CADPS2: variants seen among roughly 807,000 people sequenced by gnomAD.
The protein encoded by CADPS2 is calcium dependent secretion activator 2.
In CADPS2, 93 loss-of-function variants were observed where a neutral mutation model predicts 172.5. The observed-to-expected ratio is 0.54, with a 90% confidence interval of 0.46 to 0.64. CADPS2 has a LOEUF of 0.64. Ranked by LOEUF, CADPS2 falls within the 30% of genes least tolerant of loss-of-function variation. The pLI, the probability that CADPS2 is intolerant of heterozygous loss-of-function variation, is 0.00. For synonymous variants in CADPS2, 546 were observed against 555.2 expected, an observed-to-expected ratio of 0.98 and a Z score of 0.23; for missense variants, 1,420 against 1,565.9, an observed-to-expected ratio of 0.91 and a Z score of 1.57.
intron 5 of CADPS2, among the ~76,000 whole-genome samples, chr7:122,621,078 T>A (rs1271761080): frequency 6.6e-6 from 1 of 151,996 alleles, no homozygotes; most frequent in Non-Finnish European, 1.5e-5. Flanking sequence ...GATAATTTTT[T>A]TTTTTTAGAA....
intron 14 of CADPS2, among the ~76,000 whole-genome samples, chr7:122,469,823 C>CTGTGTGTG (rs71726905): frequency 6.7e-6 from 1 of 148,536 alleles, no homozygotes; most frequent in African/African-American, 2.5e-5. Context: ...AGGTGTGTGT[C>CTGTGTGTG]TGTGTGTGTG....
intron 1 of CADPS2, among the ~76,000 whole-genome samples, chr7:122,781,058 A>T (rs1408248651): frequency 6.6e-6 from 1 of 152,120 alleles, no homozygotes; most frequent in Non-Finnish European, 1.5e-5. Flanking sequence ...TTCTTACCAC[A>T]CTCATGATTA....
At chr7:122,655,614 ATT>A (rs1031841655) in intron 3 of CADPS2, among the ~76,000 whole-genome samples, 2 of 151,800 alleles carry the variant, frequency 1.3e-5, no homozygotes, top group Non-Finnish European at 2.9e-5. Context: ...ATAAAAAAAA[ATT>A]GTGTGACCTG....
At chr7:122,422,877 T>G (rs1406226371) in intron 17 of CADPS2, among the ~76,000 whole-genome samples, 2 of 151,822 alleles carry the variant, frequency 1.3e-5, no homozygotes, top group Non-Finnish European at 2.9e-5. Flanking sequence ...AAGAATTGCT[T>G]GAACCTGGGA....
At chr7:122,797,761 G>A (rs904287863) in intron 1 of CADPS2, among the ~76,000 whole-genome samples, 4 of 151,902 alleles carry the variant, frequency 2.6e-5, no homozygotes, top group African/African-American at 9.7e-5. Flanking sequence ...ATAACTAACA[G>A]GTACTAGGAA....
At chr7:122,545,162 G>A (rs539507741) in intron 8 of CADPS2, among the ~76,000 whole-genome samples, 1 of 152,164 alleles carries the variant, frequency 6.6e-6, no homozygotes, top group South Asian at 2.1e-4. Flanking sequence ...CAGAGGGAGG[G>A]CCAGCATCTC....
At chr7:122,521,071 T>C (rs1425572980) in intron 8 of CADPS2, among the ~76,000 whole-genome samples, 5 of 151,768 alleles carry the variant, frequency 3.3e-5, no homozygotes, top group African/African-American at 7.3e-5. Flanking sequence ...CAAGGAACAA[T>C]ACAGAAAGAA....
intron 1 of CADPS2, among the ~76,000 whole-genome samples, chr7:122,796,700 T>C (rs1006450271): frequency 6.6e-6 from 1 of 151,182 alleles, no homozygotes; most frequent in African/African-American, 2.4e-5. Flanking sequence ...TTATACCATA[T>C]ACAAAAATTA....
chr7:122,830,427 A>T (rs972599667), intron 1 of CADPS2, among the ~76,000 whole-genome samples: 4 of 152,174 alleles, frequency 2.6e-5, no homozygotes, highest in South Asian at 2.1e-4. Flanking sequence ...TGCAAATCTC[A>T]CTGATCTCAA....
At chr7:122,722,387 C>A (rs374980807) in intron 2 of CADPS2, among the ~76,000 whole-genome samples, 382 of 150,218 alleles carry the variant, frequency 2.5e-3, no homozygotes, top group African/African-American at 8.0e-3. Context: ...AAGCATTCTT[C>A]TACACCAATA....
intron 24 of CADPS2, chr7:122,386,222 A>G: frequency 9.4e-7 from 1 of 1,060,044 alleles, no homozygotes; most frequent in Middle Eastern, 3.3e-4. Flanking sequence ...GAAAAGATGA[A>G]AATAAAAAAT....
intron 2 of CADPS2, chr7:122,697,802 G>A (rs781106415): frequency 2.7e-5 from 42 of 1,581,740 alleles, no homozygotes; most frequent in Middle Eastern, 3.4e-4. Context: ...GGTGAAGGAT[G>A]AACATCTTCC....
chr7:122,477,407 T>C (rs1026954986), intron 12 of CADPS2, among the ~76,000 whole-genome samples: 2 of 151,950 alleles, frequency 1.3e-5, no homozygotes, highest in African/African-American at 4.8e-5. Flanking sequence ...TCCCAGCTAC[T>C]TGGGAGGCCG....
At chr7:122,372,925 T>C (rs929427394) in intron 25 of CADPS2, among the ~76,000 whole-genome samples, 11 of 152,314 alleles carry the variant, frequency 7.2e-5, no homozygotes, top group Non-Finnish European at 1.6e-4. Flanking sequence ...ATCAGTTTAA[T>C]AAAGGACTTT....
chr7:122,370,382 T>C (rs2041613170), intron 25 of CADPS2, among the ~76,000 whole-genome samples: 2 of 152,282 alleles, frequency 1.3e-5, no homozygotes, highest in South Asian at 4.1e-4. Context: ...TCAATCCTTT[T>C]TAAAAAATGA....
At chr7:122,645,455 G>A (rs2078334298) in intron 3 of CADPS2, among the ~76,000 whole-genome samples, 2 of 81,284 alleles carry the variant, frequency 2.5e-5, no homozygotes, top group Admixed American at 2.5e-4. Context: ...ACACACATAT[G>A]TATATATGTG....
At chr7:122,803,974 GA>G (rs869246600) in intron 1 of CADPS2, among the ~76,000 whole-genome samples, 908 of 85,118 alleles carry the variant, frequency 0.011, 9 homozygotes, top group African/African-American at 0.024. Flanking sequence ...GGCTTGAATG[GA>G]AAAAAAAAAA....
chr7:122,770,312 T>C (rs1028031362), intron 1 of CADPS2, among the ~76,000 whole-genome samples: 1 of 152,152 alleles, frequency 6.6e-6, no homozygotes, highest in Non-Finnish European at 1.5e-5. Flanking sequence ...AATACAATAC[T>C]GTTATAGAAA....
chr7:122,551,197 T>A (rs1252955422), intron 8 of CADPS2, among the ~76,000 whole-genome samples: 1 of 152,056 alleles, frequency 6.6e-6, no homozygotes, highest in African/African-American at 2.4e-5. Flanking sequence ...ATTTTAGGCA[T>A]TTTTTTACAT....
Sources: allele counts gnomAD v4.1 joint callset (sites outside exome capture counted in the v4.1 genomes callset), GRCh38; gene constraint gnomAD v4.1.1; transcripts MANE v1.5; gene names NCBI Gene and HGNC (gene_info 2026-07-23, HGNC 2026-07-21).